The following THOC1 variants were observed in gnomAD, a reference collection of about 807,000 sequenced individuals.
THOC1 encodes THO complex subunit 1.
THOC1 carries 29 observed loss-of-function variants against 97.3 expected under a neutral mutation model. The ratio of observed to expected loss-of-function variants is 0.30; its 90% CI spans 0.22 to 0.41. THOC1 has a LOEUF of 0.41. THOC1 is among the 10% of genes least tolerant of loss of function. THOC1 has a pLI of 1.00. For missense variants in THOC1, 529 were observed against 761.9 expected (o/e 0.69, Z 3.60); for synonymous variants, 255 against 257.0 (o/e 0.99, Z 0.07).
At chr18:262,372 T>C (rs1912631310) in intron 4 of THOC1, among the ~76,000 whole-genome samples, 1 of 152,242 alleles carries the variant, frequency 6.6e-6, no homozygotes, top group African/African-American at 2.4e-5. Context: ...TTTAACAAAA[T>C]ATATTTATGG....
At chr18:215,050 T>G in intron 20 of THOC1, 129 bp from the exon 21 acceptor site, 1 of 823,638 alleles carries the variant, frequency 1.2e-6, no homozygotes, top group Non-Finnish European at 1.9e-6. Flanking sequence ...AATTATTTTT[T>G]ATATTCTCCG....
chr18:263,325 C>T (rs1460831919), intron 4 of THOC1, among the ~76,000 whole-genome samples: 8 of 151,782 alleles, frequency 5.3e-5, no homozygotes, highest in South Asian at 2.1e-4. Flanking sequence ...ATGATCCGCC[C>T]GTCTCAGCCT....
At chr18:266,743 G>C (rs1176747951) in intron 1 of THOC1, among the ~76,000 whole-genome samples, 1 of 152,060 alleles carries the variant, frequency 6.6e-6, no homozygotes, top group Non-Finnish European at 1.5e-5. Context: ...TGCCATGTTG[G>C]CCAGGCTGGC....
intron 11 of THOC1, among the ~76,000 whole-genome samples, chr18:229,171 TGAGTTCCATCAACTA>T (rs1202670690): frequency 6.6e-6 from 1 of 152,136 alleles, no homozygotes; most frequent in East Asian, 1.9e-4. Context: ...CCCTAACAAT[TGAGTTCCATCAACTA>T]ACTGCCCTGG....
chr18:235,054 C>T (rs1911626551), intron 11 of THOC1, among the ~76,000 whole-genome samples: 1 of 148,762 alleles, frequency 6.7e-6, no homozygotes, highest in Admixed American at 6.7e-5. Context: ...GCTGGTATTT[C>T]CTTAATGGTT....
At chr18:260,557 C>G in intron 4 of THOC1, 1 of 263,324 alleles carries the variant, frequency 3.8e-6, no homozygotes, top group Non-Finnish European at 7.1e-6. Context: ...GTCAGGCACA[C>G]TAAGTACTTT....
At chr18:261,192 G>A (rs1033712822) in intron 4 of THOC1, 2 of 152,092 alleles carry the variant, frequency 1.3e-5, no homozygotes, top group Admixed American at 6.5e-5. Context: ...AAAGGTCTAC[G>A]TAGTCTATCT....
At chr18:241,842 T>C (rs957299811) in intron 11 of THOC1, among the ~76,000 whole-genome samples, 1 of 152,152 alleles carries the variant, frequency 6.6e-6, no homozygotes, top group Non-Finnish European at 1.5e-5. Context: ...CAATTAGAGG[T>C]AAAATCCTCC....
Position 242,722 on chromosome 18 carries a change from T to C in THOC1, c.918+3602A>G, listed in dbSNP as rs1168412385. Among the ~76,000 whole-genome samples the C allele has an allele frequency of 6.6e-6, 1 of 152,218 alleles. No homozygotes were observed. Among genetic ancestry groups the C allele is most frequent in the African/African-American group, 2.4e-5 (1 of 41,462 alleles). On this transcript the variant is annotated intron_variant, in intron 11 of 20. Coordinates refer to ENST00000261600, the MANE Select transcript of THOC1 (RefSeq NM_005131.3). The surrounding 1 kb of genome is among the most constrained non-coding windows in gnomAD (Gnocchi z 4.5). ...AGCTAGCTCTTACTGGCAAGGAATA[T>C]GGCACCCATATCCCTGAAAAATCCA...
In THOC1 at chr18:219,524, A is replaced by T. The variant is rs181403738; in HGVS notation, c.1371-555T>A. ...ACTCATAAAGTGGTGGCAGGACAAGATTCTAATGGCCCCATACTTTTAGTT... is the reference window on the plus strand; with the variant it reads ...ACTCATAAAGTGGTGGCAGGACAAGTTTCTAATGGCCCCATACTTTTAGTT... On this transcript the variant is annotated intron_variant, in intron 17 of 20. Transcript: ENST00000261600. Among the ~76,000 whole-genome samples, 132 of 152,348 alleles carry T rather than the reference A, an allele frequency of 8.7e-4. 1 individual carries two copies. The highest frequency in any genetic ancestry group is 3.1e-3 in the African/African-American group (130 of 41,572).
At chr18:268,034 GTGCCCGCCACTGCGCTGCGGCGCC>G in exon 1 of THOC1, 3 of 1,563,520 alleles carry the variant, frequency 1.9e-6, no homozygotes, top group Non-Finnish European at 2.6e-6. Context: ...TCGGCTGCGC[GTGCCCGCCACTGCGCTGCGGCGCC>G]TGCCGATGAC....
chr18:223,542 G>A (rs974482356), intron 16 of THOC1, 37 bp from the exon 17 acceptor site: 25 of 1,485,358 alleles, frequency 1.7e-5, no homozygotes, highest in Non-Finnish European at 2.1e-5. Flanking sequence ...CATTTTTTAT[G>A]GACACCATCC....
At chr18:216,039 C>T (rs1295604297) in intron 19 of THOC1, among the ~76,000 whole-genome samples, 3 of 151,972 alleles carry the variant, frequency 2.0e-5, no homozygotes, top group Admixed American at 6.6e-5. Context: ...CTGCAACCTC[C>T]GCCTCCCAGG....
At chr18:221,702 A>T (rs138157637) in intron 17 of THOC1, among the ~76,000 whole-genome samples, 1 of 140,208 alleles carries the variant, frequency 7.1e-6, no homozygotes, top group African/African-American at 2.7e-5. Context: ...TCCGCCTCCC[A>T]GGTTCACGCC....
chr18:232,340 C>T (rs567659275), intron 11 of THOC1, among the ~76,000 whole-genome samples: 31 of 152,208 alleles, frequency 2.0e-4, no homozygotes, highest in African/African-American at 7.5e-4. Flanking sequence ...TCAAGCAATC[C>T]TCCCGTCTTG....
Position 226,872 on chromosome 18 carries a change from G to A in THOC1, c.948C>T (p.Asn316=). ...KLMDLQLSDS[N]FRRHILLQYL... ...ACTGCAACAGGATGTGTCGACGAAA[G>A]TTACTGTCACTCAGTTGTAAATCCA... Residue 316 remains asparagine (N), a synonymous_variant, in exon 12 of 21, where the codon AAC becomes AAT. Transcript: ENST00000261600. The A allele has an allele frequency of 6.2e-7, 1 of 1,611,336 alleles. No homozygotes were observed. The highest frequency in any genetic ancestry group is 1.7e-5 in the Admixed American group (1 of 59,740).
chr18:234,661 C>T (rs556194150), intron 11 of THOC1, among the ~76,000 whole-genome samples: 40 of 152,252 alleles, frequency 2.6e-4, no homozygotes, highest in African/African-American at 8.4e-4. Context: ...GGATTACAGG[C>T]GTAAGCCAAT....
chr18:267,927 G>A, intron 1 of THOC1, 39 bp downstream of exon 1: 1 of 1,579,270 alleles, frequency 6.3e-7, no homozygotes, highest in African/African-American at 1.4e-5. Flanking sequence ...ACAAAGCATA[G>A]CGCCGGGTCA....
chr18:252,620 G>GA lies in THOC1; in HGVS notation c.604-9dup, dbSNP rs370978327. The GA allele has an allele frequency of 3.6e-4, 566 of 1,569,218 alleles. No individual in the cohort carries two copies. The highest frequency in any genetic ancestry group is 4.9e-4 in the Admixed American group (26 of 52,788). Reference sequence around the variant, plus strand: ...TTCTCTATCTTCAGTGTGCTAAATTGAAAAAAAAATGTATAGCCTGTCATG... The same window carrying GA: ...TTCTCTATCTTCAGTGTGCTAAATTGAAAAAAAAAATGTATAGCCTGTCATG... On this transcript the variant is annotated splice_polypyrimidine_tract_variant and intron_variant, in intron 8 of 20. Transcript: ENST00000261600.
Sources: gnomAD v4.1 joint callset for allele counts (sites outside exome capture counted in the v4.1 genomes callset) on GRCh38, gnomAD v4.1.1 for gene constraint, Gnocchi (gnomAD v3.1) non-coding constraint, MANE v1.5 for transcripts, NCBI Gene and HGNC (gene_info 2026-07-23, HGNC 2026-07-21) for gene names.